Variants in NMNAT3 observed in about 807,000 individuals in gnomAD.
NMNAT3 encodes nicotinamide nucleotide adenylyltransferase 3, also known as nicotinamide/nicotinic acid mononucleotide adenylyltransferase 3.
A neutral mutation model predicts 24.8 loss-of-function variants in NMNAT3; 21 were observed. The ratio of observed to expected loss-of-function variants is 0.85; its 90% CI spans 0.60 to 1.22. The LOEUF (loss-of-function observed/expected upper bound fraction) is 1.22. NMNAT3 is among the 50% of genes most tolerant of loss of function. The probability of loss-of-function intolerance (pLI) is 0.00; values close to 1 mark genes in which losing one functional copy is unlikely to be tolerated. For missense variants in NMNAT3, 387 were observed against 436.6 expected, an observed-to-expected ratio of 0.89 and a Z score of 1.01; for synonymous variants, 136 against 155.2, an observed-to-expected ratio of 0.88 and a Z score of 0.92.
intron 3 of NMNAT3, among the ~76,000 whole-genome samples, chr3:139,606,424 G>T (rs1485179372): frequency 6.6e-6 from 1 of 152,136 alleles, no homozygotes. Flanking sequence ...CTACATCAGA[G>T]GGTACATGAT....
intron 3 of NMNAT3, among the ~76,000 whole-genome samples, chr3:139,622,606 A>G (rs1463165242): frequency 2.0e-5 from 3 of 150,906 alleles, no homozygotes; most frequent in Non-Finnish European, 4.4e-5. Context: ...ATGGTGATGC[A>G]TGCCTGTAGT....
At chr3:139,613,001 C>T (rs556943700) in intron 3 of NMNAT3, among the ~76,000 whole-genome samples, 1 of 152,226 alleles carries the variant, frequency 6.6e-6, no homozygotes, top group South Asian at 2.1e-4. Context: ...GATTAAAGAC[C>T]TAAATGTTAG....
At chr3:139,674,118 T>C (rs1391077010) in intron 1 of NMNAT3, among the ~76,000 whole-genome samples, 1 of 152,196 alleles carries the variant, frequency 6.6e-6, no homozygotes, top group Non-Finnish European at 1.5e-5. Flanking sequence ...ACAGCACTTC[T>C]GGGTGGAAAG....
At chr3:139,620,964 T>G (rs1368976636) in intron 3 of NMNAT3, among the ~76,000 whole-genome samples, 1 of 152,196 alleles carries the variant, frequency 6.6e-6, no homozygotes, top group Non-Finnish European at 1.5e-5. Context: ...TGGCTATTTT[T>G]TTTTCCAATT....
Position 139,561,004 on chromosome 3 carries a change from C to A in NMNAT3, c.*6G>T, listed in dbSNP as rs1315396727. The stretch of plus-strand genomic sequence containing the variant: ...GGAGGAGGTGTGGGTGCTGAGTCCC[C>A]CCTCCCTAGCTTGTCTTGCCCTCAG... On this transcript the variant is annotated 3_prime_UTR_variant, in exon 7 of 7. Transcript: ENST00000643695. The A allele has an allele frequency of 6.2e-7, 1 of 1,605,642 alleles. No individual in the cohort carries two copies. The highest frequency in any genetic ancestry group is 1.7e-5 in the Admixed American group (1 of 59,846).
chr3:139,653,837 C>G (rs2057141637), intron 1 of NMNAT3, among the ~76,000 whole-genome samples: 1 of 152,212 alleles, frequency 6.6e-6, no homozygotes, highest in South Asian at 2.1e-4. Context: ...GTAACTCGAA[C>G]CTGGGGCGTG....
chr3:139,579,446 A>G (rs1022006279), intron 4 of NMNAT3, among the ~76,000 whole-genome samples: 3 of 152,160 alleles, frequency 2.0e-5, no homozygotes, highest in Non-Finnish European at 4.4e-5. Context: ...CTATGTGAGG[A>G]TGAAAATTAT....
At chr3:139,593,463 A>C (rs1051224617) in intron 3 of NMNAT3, among the ~76,000 whole-genome samples, 1 of 152,216 alleles carries the variant, frequency 6.6e-6, no homozygotes, top group Non-Finnish European at 1.5e-5. Flanking sequence ...AAGCGGACCT[A>C]ATAGACATCT....
At position 139,655,107 on chromosome 3, in the gene NMNAT3, G is replaced by A. The variant is rs929652260; in HGVS notation, c.-140-17045C>T. 3.9e-5 allele frequency among the ~76,000 whole-genome samples: 6 copies of A among 152,214 alleles called. No individual in the cohort carries two copies. The South Asian group carries it at 1.0e-3, about 26-fold the overall frequency. ...GTTAGGCAGGTAAATGAGTTGGGAA[G>A]AGAAAACAGCATTTGCAAAGGCCTT... On this transcript the variant is annotated intron_variant, in intron 1 of 6. Coordinates refer to ENST00000643695, the MANE Select transcript of NMNAT3 (RefSeq NM_001320510.2).
At position 139,585,785 on chromosome 3, in the gene NMNAT3, A is replaced by G. The variant is rs2053912789; in HGVS notation, c.110-2577T>C. On this transcript the variant is annotated intron_variant, in intron 3 of 6. Coordinates refer to ENST00000643695, the MANE Select transcript of NMNAT3 (RefSeq NM_001320510.2). ...ACTTTTCCTCTTTTGCCTCAGCACT[A>G]AAGCACTAAGGCTTCTCAGAAGTTC... Among the ~76,000 whole-genome samples, 3 of 152,316 alleles carry G rather than the reference A, an allele frequency of 2.0e-5. No homozygotes were observed. The South Asian group carries it at 6.2e-4, about 32-fold the overall frequency.
chr3:139,583,316 A>G (rs1418691158), intron 3 of NMNAT3: 38 of 1,367,214 alleles, frequency 2.8e-5, no homozygotes, highest in Admixed American at 6.7e-5. Flanking sequence ...AATGATGTCA[A>G]TCTTCAATGG....
At chr3:139,596,173 A>T (rs921170111) in intron 3 of NMNAT3, among the ~76,000 whole-genome samples, 1 of 152,072 alleles carries the variant, frequency 6.6e-6, no homozygotes, top group South Asian at 2.1e-4. Flanking sequence ...TCTGTCCCTT[A>T]TGGGCTGCTG....
At chr3:139,661,545 C>T (rs2057417749) in intron 1 of NMNAT3, among the ~76,000 whole-genome samples, 1 of 152,156 alleles carries the variant, frequency 6.6e-6, no homozygotes, top group African/African-American at 2.4e-5. Flanking sequence ...TTGGTGTATG[C>T]CTGTAGTTTT....
intron 2 of NMNAT3, among the ~76,000 whole-genome samples, chr3:139,630,614 T>C (rs908463068): frequency 4.6e-5 from 7 of 152,192 alleles, no homozygotes; most frequent in Non-Finnish European, 7.3e-5. Context: ...TAGGGATCAG[T>C]GAAGACTGAA....
intron 1 of NMNAT3, among the ~76,000 whole-genome samples, chr3:139,673,114 G>C (rs778054273): frequency 6.6e-6 from 1 of 152,162 alleles, no homozygotes; most frequent in African/African-American, 2.4e-5. Context: ...ACTCAGCCTG[G>C]TGTGCCCAGG....
intron 3 of NMNAT3, among the ~76,000 whole-genome samples, chr3:139,585,075 T>C (rs940702436): frequency 2.6e-5 from 4 of 152,124 alleles, no homozygotes; most frequent in African/African-American, 9.7e-5. Context: ...TGATGGAGAG[T>C]TCTGTTACAC....
intron 1 of NMNAT3, among the ~76,000 whole-genome samples, chr3:139,663,772 C>T (rs1357527437): frequency 6.6e-6 from 1 of 152,230 alleles, no homozygotes; most frequent in Non-Finnish European, 1.5e-5. Flanking sequence ...TCCACACTGA[C>T]CCCAGCTCAA....
chr3:139,576,078 C>G, intron 5 of NMNAT3: 2 of 1,284,106 alleles, frequency 1.6e-6, no homozygotes, highest in South Asian at 2.5e-5. Flanking sequence ...GTAAGCTCTA[C>G]AGTGAATTTA....
chr3:139,614,680 T>C (rs1176878438), intron 3 of NMNAT3, among the ~76,000 whole-genome samples: 1 of 152,248 alleles, frequency 6.6e-6, no homozygotes, highest in African/African-American at 2.4e-5. Context: ...CGGTGCATCA[T>C]ATCACAACAT....
Sources: gnomAD v4.1 joint callset for allele counts (sites outside exome capture counted in the v4.1 genomes callset) on GRCh38, gnomAD v4.1.1 for gene constraint, MANE v1.5 for transcripts, NCBI Gene and HGNC (gene_info 2026-07-23, HGNC 2026-07-21) for gene names.